C10orf90: variants seen among roughly 807,000 people sequenced by gnomAD.
The protein encoded by C10orf90 is (E2-independent) E3 ubiquitin-conjugating enzyme FATS.
A neutral mutation model predicts 62.5 loss-of-function variants in C10orf90; 56 were observed. The observed-to-expected ratio is 0.90, with a 90% CI of 0.72 to 1.12. C10orf90 has a LOEUF of 1.12. Among genes scored for constraint, C10orf90 ranks in the 50% most tolerant of loss-of-function variants. The pLI is 0.00. For missense variants in C10orf90, 970 were observed against 880.4 expected (o/e 1.10, Z -1.29); for synonymous variants, 386 against 340.4 (o/e 1.13, Z -1.47).
At chr10:126,521,206 A>C in intron 2 of C10orf90, 48 of 1,411,850 alleles carry the variant, frequency 3.4e-5, no homozygotes, top group Non-Finnish European at 4.6e-5. Flanking sequence ...CTCATACAGT[A>C]CTGGGCCCAG....
At chr10:126,480,135 T>C (rs938448004) in intron 4 of C10orf90, among the ~76,000 whole-genome samples, 1 of 152,252 alleles carries the variant, frequency 6.6e-6, no homozygotes, top group Non-Finnish European at 1.5e-5. Context: ...AAGACTTTTA[T>C]TATTCACTTG....
intron 4 of C10orf90, among the ~76,000 whole-genome samples, chr10:126,471,669 A>G (rs1261230615): frequency 1.3e-5 from 2 of 152,196 alleles, no homozygotes; most frequent in Admixed American, 1.3e-4. Flanking sequence ...GTTTCAAGGT[A>G]CCATGTGGGC....
chr10:126,638,587 G>A (rs4962582), intron 2 of C10orf90, among the ~76,000 whole-genome samples: 55,515 of 151,894 alleles, frequency 0.37, 10,347 homozygotes, highest in South Asian at 0.52. Flanking sequence ...CTGGTGAAAG[G>A]CCTAACATCG....
At chr10:126,572,480 G>A (rs554672362) in intron 2 of C10orf90, among the ~76,000 whole-genome samples, 64 of 152,236 alleles carry the variant, frequency 4.2e-4, no homozygotes, top group Middle Eastern at 3.4e-3. Flanking sequence ...TATGCTAAAC[G>A]AGGGCTGGAT....
intron 4 of C10orf90, among the ~76,000 whole-genome samples, chr10:126,497,763 T>G (rs574735457): frequency 6.6e-6 from 1 of 152,324 alleles, no homozygotes; most frequent in East Asian, 1.9e-4. Context: ...TACTCAACTT[T>G]GCTGTTGCAG....
At chr10:126,645,588 T>TAA (rs779008025) in intron 2 of C10orf90, among the ~76,000 whole-genome samples, 9 of 93,202 alleles carry the variant, frequency 9.7e-5, no homozygotes, top group Admixed American at 2.3e-4. Context: ...AGACCCTGCC[T>TAA]AAAAAAAAAA....
intron 7 of C10orf90, 36 bp downstream of exon 7, chr10:126,459,004 G>A (rs1438319108): frequency 1.3e-6 from 2 of 1,592,322 alleles, no homozygotes; most frequent in Non-Finnish European, 1.7e-6. Context: ...CCCATCCCTG[G>A]TCTTTTCCAG....
At chr10:126,433,711 G>GAAAACAAAACAAAACAAAACA (rs549916836) in intron 7 of C10orf90, among the ~76,000 whole-genome samples, 1 of 151,954 alleles carries the variant, frequency 6.6e-6, no homozygotes, top group South Asian at 2.1e-4. Context: ...AGCTTTGTTT[G>GAAAACAAAACAAAACAAAACA]AAAACAAAAC....
At chr10:126,547,959 A>G (rs992875674) in intron 2 of C10orf90, among the ~76,000 whole-genome samples, 4 of 152,194 alleles carry the variant, frequency 2.6e-5, no homozygotes, top group African/African-American at 9.6e-5. Flanking sequence ...TTACACTGAA[A>G]AAGTTCTTGA....
At chr10:126,527,452 G>A (rs555880542) in intron 2 of C10orf90, among the ~76,000 whole-genome samples, 20 of 152,206 alleles carry the variant, frequency 1.3e-4, no homozygotes, top group African/African-American at 4.1e-4. Flanking sequence ...GCTTAATGAC[G>A]CCTCCCTACC....
intron 1 of C10orf90, among the ~76,000 whole-genome samples, chr10:126,659,851 T>C (rs1421270195): frequency 1.3e-5 from 2 of 152,234 alleles, no homozygotes; most frequent in Non-Finnish European, 2.9e-5. Flanking sequence ...TCAACCATCA[T>C]GCACCCTGGC....
chr10:126,487,873 A>G (rs1198938197), intron 4 of C10orf90, among the ~76,000 whole-genome samples: 2 of 152,240 alleles, frequency 1.3e-5, no homozygotes, highest in African/African-American at 4.8e-5. Context: ...ATATAATAGC[A>G]GTAGTATCTC....
At chr10:126,436,993 T>C (rs1857966504) in intron 7 of C10orf90, among the ~76,000 whole-genome samples, 2 of 152,228 alleles carry the variant, frequency 1.3e-5, no homozygotes, top group South Asian at 4.2e-4. Flanking sequence ...CTATTAACCA[T>C]GAAGAAGCTA....
In C10orf90 at chr10:126,591,533, G is replaced by A. The variant is rs188122521; in HGVS notation, c.313+55032C>T. Among the ~76,000 whole-genome samples, 5 of 152,224 alleles carry A rather than the reference G, an allele frequency of 3.3e-5. No individual in the cohort carries two copies. In the East Asian group the frequency reaches 5.8e-4, roughly 18 times the overall value. ...AAAAACTCTCAGCAGACTAGGTATT[G>A]AAGGAACATATCTCAAAATAATAAG... is the stretch of plus-strand genomic sequence containing the variant. On this transcript the variant is annotated intron_variant, in intron 2 of 9. Transcript: ENST00000488181.
intron 7 of C10orf90, among the ~76,000 whole-genome samples, chr10:126,444,691 CAA>C (rs1290120993): frequency 1.3e-5 from 2 of 152,022 alleles, no homozygotes; most frequent in Admixed American, 1.3e-4. Context: ...CATGTGAAAT[CAA>C]AAAAGAGCCC....
Position 126,576,719 on chromosome 10 carries a change from G to GT in C10orf90, c.314-62781_314-62780insA, listed in dbSNP as rs1564879153. Among the ~76,000 whole-genome samples the GT allele has an allele frequency of 5.0e-5, 2 of 39,888 alleles. 1 individual carries two copies. Among genetic ancestry groups the GT allele is most frequent in the African/African-American group, 2.4e-4 (2 of 8,488 alleles). 26.2% of individuals were successfully genotyped at this position (39,888 alleles called of 152,430 possible). ...TATATGTATATGTATATATATACAA[G>GT]ATATACATATATATGTATATGTATA... On this transcript the variant is annotated intron_variant, in intron 2 of 9. Coordinates refer to ENST00000488181, the MANE Select transcript of C10orf90 (RefSeq NM_001350921.2).
Position 126,459,082 on chromosome 10 carries a change from G to C in C10orf90, c.2146C>G (p.Arg716Gly), listed in dbSNP as rs138274536. The change falls in exon 7 of 10, where the codon CGC becomes GGC. Residue 716 changes from arginine to glycine, a missense_variant. By Grantham distance (125) the Arg-to-Gly change is moderately radical. Transcript: ENST00000488181. ...LRQKQSLLPI[R>G]TSKKQFTIPH... Reference sequence around the variant, plus strand: ...ATCGTGAACTGCTTCTTGCTGGTGCGGATGGGAAGGAGGCTCTGCTTCTGC... The same window carrying C: ...ATCGTGAACTGCTTCTTGCTGGTGCCGATGGGAAGGAGGCTCTGCTTCTGC... The C allele has an allele frequency of 6.2e-7, 1 of 1,613,752 alleles. No individual in the cohort carries two copies. The highest frequency in any genetic ancestry group is 8.5e-7 in the Non-Finnish European group (1 of 1,180,028).
intron 4 of C10orf90, among the ~76,000 whole-genome samples, chr10:126,480,085 C>T (rs1392492120): frequency 6.6e-6 from 1 of 152,134 alleles, no homozygotes; most frequent in Non-Finnish European, 1.5e-5. Flanking sequence ...GAAAATTTTA[C>T]TGGGAAGAAT....
chr10:126,452,963 G>A lies in C10orf90; in HGVS notation c.2188+6077C>T, dbSNP rs1338487105. Among the ~76,000 whole-genome samples the A allele has an allele frequency of 4.6e-5, 7 of 152,228 alleles. No homozygotes were observed. The South Asian group carries it at 1.5e-3, about 32-fold the overall frequency. Reference sequence around the variant, plus strand: ...ATCAGACCGGTCAACAGGAAGGATAGTGCAGCCTGTGCTCAGTGAGCAAAT... The same window carrying A: ...ATCAGACCGGTCAACAGGAAGGATAATGCAGCCTGTGCTCAGTGAGCAAAT... On this transcript the variant is annotated intron_variant, in intron 7 of 9. Coordinates refer to ENST00000488181, the MANE Select transcript of C10orf90 (RefSeq NM_001350921.2).
Sources: allele counts gnomAD v4.1 joint callset (sites outside exome capture counted in the v4.1 genomes callset), GRCh38; gene constraint gnomAD v4.1.1; transcripts MANE v1.5; gene names NCBI Gene and HGNC (gene_info 2026-07-23, HGNC 2026-07-21).